Variants in TFCP2 observed in about 807,000 individuals in gnomAD.
TFCP2 encodes alpha-globin transcription factor CP2.
Under a neutral mutation model 73.4 loss-of-function variants are expected in TFCP2, and 33 were observed. That is an observed-to-expected ratio of 0.45 (90% CI 0.34 to 0.60). TFCP2 has a LOEUF of 0.60. Among genes scored for constraint, TFCP2 ranks in the 20% least tolerant of loss-of-function variants. TFCP2 has a pLI of 0.01. For missense variants in TFCP2, 352 were observed against 604.0 expected (o/e 0.58, Z 4.37); for synonymous variants, 193 against 211.6 (o/e 0.91, Z 0.76).
intron 1 of TFCP2, among the ~76,000 whole-genome samples, chr12:51,135,943 T>C (rs1941051419): frequency 1.3e-5 from 2 of 152,114 alleles, no homozygotes; most frequent in East Asian, 1.9e-4. Flanking sequence ...ATTCATCAAA[T>C]AGTCTTTGAG....
At chr12:51,145,714 T>C (rs1941285408) in intron 1 of TFCP2, among the ~76,000 whole-genome samples, 1 of 149,862 alleles carries the variant, frequency 6.7e-6, no homozygotes, top group Non-Finnish European at 1.5e-5. Flanking sequence ...TTGAGGTAGG[T>C]CAAGGTGGGA....
intron 6 of TFCP2, 48 bp downstream of exon 6, chr12:51,109,073 A>T (rs1419908714): frequency 1.9e-6 from 3 of 1,582,128 alleles, no homozygotes; most frequent in Admixed American, 1.8e-5. Flanking sequence ...GTTAAAATAG[A>T]ATGATAAGGT....
At chr12:51,098,398 G>A (rs1940020541) in intron 13 of TFCP2, among the ~76,000 whole-genome samples, 1 of 152,204 alleles carries the variant, frequency 6.6e-6, no homozygotes. Flanking sequence ...GGCCGAGGCG[G>A]GTGGATCACT....
At chr12:51,151,518 G>A (rs900198731) in intron 1 of TFCP2, among the ~76,000 whole-genome samples, 2 of 152,072 alleles carry the variant, frequency 1.3e-5, no homozygotes, top group African/African-American at 2.4e-5. Flanking sequence ...CTCACTGCAA[G>A]CTCTGCCTCC....
intron 13 of TFCP2, among the ~76,000 whole-genome samples, chr12:51,097,039 C>T (rs1184119376): frequency 3.3e-5 from 5 of 151,680 alleles, no homozygotes; most frequent in African/African-American, 4.8e-5. Flanking sequence ...TCTCGGCTCA[C>T]GCAACCTCCG....
At position 51,140,451 on chromosome 12, in the gene TFCP2, T is replaced by C. The variant is rs1455065465; in HGVS notation, c.123-21679A>G. 4.7e-4 allele frequency among the ~76,000 whole-genome samples: 65 copies of C among 137,564 alleles called. No homozygotes were observed. In the East Asian group the frequency reaches 9.8e-3, roughly 21 times the overall value. 90.2% of individuals were successfully genotyped at this position (137,564 alleles called of 152,430 possible). A position where few individuals can be genotyped will look rare whatever the true frequency, so the allele number is the denominator to read the frequency against. ...CTATCTTTCTTTTCTTTTTCTTTTT[T>C]TTTTTTTTTTTTTTTGTAGAGGTGG... On this transcript the variant is annotated intron_variant, in intron 1 of 14. Coordinates refer to ENST00000257915, the MANE Select transcript of TFCP2 (RefSeq NM_005653.5).
intron 5 of TFCP2, among the ~76,000 whole-genome samples, chr12:51,110,484 G>A (rs1020251226): frequency 2.0e-5 from 3 of 152,040 alleles, no homozygotes; most frequent in East Asian, 1.9e-4. Flanking sequence ...CAAGAGAATC[G>A]CTTGAACTGG....
chr12:51,136,510 TA>T (rs1318889943), intron 1 of TFCP2, among the ~76,000 whole-genome samples: 2 of 152,122 alleles, frequency 1.3e-5, no homozygotes, highest in Admixed American at 1.3e-4. Context: ...AAACATATAG[TA>T]AAAATGATGT....
At chr12:51,118,825 G>C in intron 1 of TFCP2, 53 bp from the exon 2 acceptor site, 2 of 1,582,330 alleles carry the variant, frequency 1.3e-6, no homozygotes, top group Non-Finnish European at 1.7e-6. Context: ...GCAAACGCAG[G>C]TTTATTGCTG....
At chr12:51,172,011 C>T (rs952745261) in intron 1 of TFCP2, among the ~76,000 whole-genome samples, 1 of 152,144 alleles carries the variant, frequency 6.6e-6, no homozygotes, top group African/African-American at 2.4e-5. Flanking sequence ...ACCATCAGTC[C>T]CCAAGTCTCC....
chr12:51,099,477 C>CAAA (rs11296144), intron 12 of TFCP2, among the ~76,000 whole-genome samples, 178 bp downstream of exon 12: 3 of 138,154 alleles, frequency 2.2e-5, no homozygotes, highest in Non-Finnish European at 3.2e-5. Context: ...GACTCTGTCT[C>CAAA]AAAAAAAAAA....
At chr12:51,155,394 A>G (rs1941516748) in intron 1 of TFCP2, among the ~76,000 whole-genome samples, 1 of 152,060 alleles carries the variant, frequency 6.6e-6, no homozygotes, top group African/African-American at 2.4e-5. Flanking sequence ...TCTATATCCT[A>G]TTGGTTTTGT....
chr12:51,101,119 C>T (rs911089400), intron 11 of TFCP2, among the ~76,000 whole-genome samples: 6 of 151,988 alleles, frequency 3.9e-5, no homozygotes, highest in African/African-American at 7.2e-5. Context: ...CTGGCTAACA[C>T]GGTGAAACCC....
intron 1 of TFCP2, among the ~76,000 whole-genome samples, chr12:51,141,582 A>G (rs559914617): frequency 1.3e-5 from 2 of 152,144 alleles, no homozygotes; most frequent in South Asian, 4.2e-4. Context: ...TAACTAAAAT[A>G]ATAAGAATAT....
intron 1 of TFCP2, among the ~76,000 whole-genome samples, chr12:51,121,237 A>G (rs1940663027): frequency 6.6e-6 from 1 of 151,962 alleles, no homozygotes; most frequent in South Asian, 2.1e-4. Flanking sequence ...CCTGGCTAGC[A>G]TGGTAAAACC....
chr12:51,173,034 T>C lies in TFCP2; in HGVS notation c.-612A>G, dbSNP rs1301736174. 1 of 153,590 alleles carries C rather than the reference T, an allele frequency of 6.5e-6. No homozygotes were observed. The highest frequency in any genetic ancestry group is 2.4e-5 in the African/African-American group (1 of 41,390). The allele number at this position is 153,590 out of a possible 1,614,324, so 9.5% of individuals were successfully genotyped here. A position where few individuals can be genotyped will look rare whatever the true frequency, so the allele number is the denominator to read the frequency against. ...GGCCTGGAAACATGGAAGGAGAAAGTCCAGCACAGGCGTAAAACCTAGACT... is the reference window on the plus strand; with the variant it reads ...GGCCTGGAAACATGGAAGGAGAAAGCCCAGCACAGGCGTAAAACCTAGACT... On this transcript the variant is annotated 5_prime_UTR_variant, in exon 1 of 15. Coordinates refer to ENST00000257915, the MANE Select transcript of TFCP2 (RefSeq NM_005653.5).
chr12:51,100,643 C>G (rs117498867), intron 11 of TFCP2, among the ~76,000 whole-genome samples: 1,786 of 152,176 alleles, frequency 0.012, 18 homozygotes, highest in Middle Eastern at 0.02. Flanking sequence ...CGGCAAAACC[C>G]CGCCTCTACA....
intron 1 of TFCP2, among the ~76,000 whole-genome samples, chr12:51,161,709 T>G (rs1340640655): frequency 6.8e-6 from 1 of 147,498 alleles, no homozygotes; most frequent in Non-Finnish European, 1.5e-5. Context: ...ATAATAATTT[T>G]TTTTCTTCGC....
chr12:51,116,563 C>T (rs1229304423), intron 3 of TFCP2, 143 bp from the exon 4 acceptor site: 8 of 443,040 alleles, frequency 1.8e-5, no homozygotes, highest in Non-Finnish European at 2.8e-5. Flanking sequence ...CACTCTAAAA[C>T]CCATACCATA....
Sources: allele counts gnomAD v4.1 joint callset (sites outside exome capture counted in the v4.1 genomes callset), GRCh38; gene constraint gnomAD v4.1.1; transcripts MANE v1.5; gene names NCBI Gene and HGNC (gene_info 2026-07-23, HGNC 2026-07-21).